Variants in SEC63 observed in about 807,000 individuals in gnomAD.
SEC63 encodes SEC63 protein translocation regulator.
Under a neutral mutation model 116.2 loss-of-function variants are expected in SEC63, and 56 were observed. The observed-to-expected ratio is 0.48, with a 90% CI of 0.39 to 0.60. The LOEUF (loss-of-function observed/expected upper bound fraction) is 0.60. SEC63 is among the 20% of genes least tolerant of loss of function. SEC63 has a pLI of 0.00. For synonymous variants in SEC63, 273 were observed against 294.6 expected (o/e 0.93, Z 0.75); for missense variants, 668 against 900.0 (o/e 0.74, Z 3.30).
At position 107,868,653 on chromosome 6, in the gene SEC63, CT is replaced by C. The variant is rs2114379211; in HGVS notation, c.*3050del. 6.6e-6 allele frequency: 1 copy of C among 151,718 alleles called. No homozygotes were observed. Among genetic ancestry groups the C allele is most frequent in the Non-Finnish European group, 1.5e-5 (1 of 67,900 alleles). 9.4% of individuals were successfully genotyped at this position (151,718 alleles called of 1,614,324 possible). A position where few individuals can be genotyped will look rare whatever the true frequency, so the allele number is the denominator to read the frequency against. ...GCTAGCCCCTAAAGAAATAATTCTT[CT>C]GCCTACAGTAGATAGACTAAAAAAA... is the stretch of plus-strand genomic sequence containing the variant. On this transcript the variant is annotated 3_prime_UTR_variant, in exon 21 of 21. Transcript: ENST00000369002.
chr6:107,931,003 G>T (rs1027677101), intron 1 of SEC63, among the ~76,000 whole-genome samples: 3 of 150,664 alleles, frequency 2.0e-5, no homozygotes, highest in Admixed American at 6.6e-5. Context: ...CAAACAAAAA[G>T]AACTTAAGTT....
At chr6:107,919,608 G>A (rs1562329156) in intron 4 of SEC63, among the ~76,000 whole-genome samples, 2 of 152,014 alleles carry the variant, frequency 1.3e-5, no homozygotes, top group Non-Finnish European at 2.9e-5. Context: ...GTATCACAAG[G>A]TCAGGAAATC....
At chr6:107,913,220 A>T in intron 5 of SEC63, 146 bp downstream of exon 5, 1 of 648,600 alleles carries the variant, frequency 1.5e-6, no homozygotes, top group South Asian at 2.0e-5. Context: ...AAAATAAAGC[A>T]AAAATTAATG....
chr6:107,906,856 T>C (rs1402902810), intron 8 of SEC63, 79 bp from the exon 9 acceptor site: 9 of 1,091,848 alleles, frequency 8.2e-6, no homozygotes, highest in Non-Finnish European at 1.3e-5. Context: ...TTAATTCACT[T>C]GAAAGTGAAG....
intron 8 of SEC63, 106 bp downstream of exon 8, chr6:107,908,821 A>C: frequency 1.5e-6 from 1 of 653,402 alleles, no homozygotes; most frequent in Non-Finnish European, 2.7e-6. Context: ...TATTTATAAA[A>C]CTGTACAATA....
At chr6:107,909,065 G>A in intron 7 of SEC63, 30 bp from the exon 8 acceptor site, 1 of 1,496,580 alleles carries the variant, frequency 6.7e-7, no homozygotes, top group Non-Finnish European at 9.3e-7. Flanking sequence ...AAACAAGAAA[G>A]AAAGTATAAA....
At chr6:107,875,447 G>A (rs1395339391) in intron 19 of SEC63, among the ~76,000 whole-genome samples, 2 of 151,984 alleles carry the variant, frequency 1.3e-5, no homozygotes, top group East Asian at 1.9e-4. Context: ...CTGTAATCCC[G>A]GCACTTTGGG....
chr6:107,899,218 C>T (rs1468364339), intron 13 of SEC63, among the ~76,000 whole-genome samples: 3 of 152,116 alleles, frequency 2.0e-5, no homozygotes, highest in Non-Finnish European at 4.4e-5. Flanking sequence ...ATGCCCCTTT[C>T]CTGCTTCTAT....
chr6:107,878,682 C>G (rs1239419156), intron 18 of SEC63, among the ~76,000 whole-genome samples: 1 of 152,064 alleles, frequency 6.6e-6, no homozygotes. Flanking sequence ...ATGGAGAAAC[C>G]CTGTCTCTAC....
intron 16 of SEC63, among the ~76,000 whole-genome samples, chr6:107,889,822 C>T (rs1423966904): frequency 3.9e-5 from 6 of 152,048 alleles, no homozygotes; most frequent in East Asian, 1.9e-4. Context: ...TTATTTCTGC[C>T]TTCATTTCGT....
At position 107,896,878 on chromosome 6, in the gene SEC63, C is replaced by T. The variant is rs144873410; in HGVS notation, c.1440+771G>A. Among the ~76,000 whole-genome samples, 809 of 151,866 alleles carry T rather than the reference C, an allele frequency of 5.3e-3. 10 individuals carry two copies. The highest frequency in any genetic ancestry group is 0.013 in the African/African-American group (531 of 41,404). ...CCTGTAATCCCAGCTACTCGGGAGG[C>T]TGAGGCAGGAGAATCACTTGAACCC... On this transcript the variant is annotated intron_variant, in intron 14 of 20. Coordinates refer to ENST00000369002, the MANE Select transcript of SEC63 (RefSeq NM_007214.5).
At chr6:107,875,197 T>C (rs556021453) in intron 19 of SEC63, among the ~76,000 whole-genome samples, 1 of 152,142 alleles carries the variant, frequency 6.6e-6, no homozygotes, top group East Asian at 1.9e-4. Flanking sequence ...ACATGTCAAG[T>C]AGTTAGGGGT....
chr6:107,873,346 ATATTT>A (rs968065302), intron 19 of SEC63, among the ~76,000 whole-genome samples: 2 of 152,220 alleles, frequency 1.3e-5, no homozygotes, highest in African/African-American at 4.8e-5. Context: ...GGTCAAGAAG[ATATTT>A]TATTTATCAT....
rs150022935 is a variant in SEC63, at chr6:107,921,921, C to CA, written c.340-13dup. ...GCTACTGTGGCTCCCTGGGGAAAAA[C>CA]AAAAAAAAAAAACAAGCTTTCTGTT... On this transcript the variant is annotated splice_polypyrimidine_tract_variant and intron_variant, in intron 3 of 20. Coordinates refer to ENST00000369002, the MANE Select transcript of SEC63 (RefSeq NM_007214.5). 3.1e-3 allele frequency: 278 copies of CA among 90,142 alleles called. No homozygotes were observed. The highest frequency in any genetic ancestry group is 0.023 in the East Asian group (65 of 2,822). The allele number at this position is 90,142 out of a possible 1,614,324, so 5.6% of individuals were successfully genotyped here. A position where few individuals can be genotyped will look rare whatever the true frequency, so the allele number is the denominator to read the frequency against.
intron 10 of SEC63, among the ~76,000 whole-genome samples, chr6:107,905,600 C>G (rs1787131853): frequency 1.3e-5 from 2 of 152,178 alleles, no homozygotes; most frequent in Admixed American, 6.5e-5. Context: ...AAGCAGAATA[C>G]ATGGCTTCAA....
At chr6:107,946,663 C>G (rs1012468368) in intron 1 of SEC63, among the ~76,000 whole-genome samples, 8 of 152,154 alleles carry the variant, frequency 5.3e-5, no homozygotes, top group African/African-American at 1.9e-4. Context: ...CAGGATAGAA[C>G]AAAGAAGGAA....
intron 12 of SEC63, among the ~76,000 whole-genome samples, chr6:107,902,136 TCTG>T (rs1449397774): frequency 3.3e-5 from 5 of 152,266 alleles, no homozygotes; most frequent in African/African-American, 1.2e-4. Context: ...ATGTAAAATC[TCTG>T]CTTTTAGATT....
chr6:107,902,988 A>G lies in SEC63; in HGVS notation c.1065T>C (p.Phe355=). The G allele has an allele frequency of 6.2e-7, 1 of 1,614,098 alleles. No homozygotes were observed. The highest frequency in any genetic ancestry group is 8.5e-7 in the Non-Finnish European group (1 of 1,179,990). ...CTAGGGATGCCAAAGTTGGAGCACG[A>G]AACTCCCTTTCTTAGAAAGAACAGG... ...VMARNREERE[F]RAPTLASLEN... is the part of the protein sequence containing the mutation. Residue 355 remains phenylalanine (F), a synonymous_variant, in exon 12 of 21, where the codon TTT becomes TTC. Coordinates refer to ENST00000369002, the MANE Select transcript of SEC63 (RefSeq NM_007214.5).
chr6:107,939,880 C>G (rs986024895), intron 1 of SEC63, among the ~76,000 whole-genome samples: 1 of 152,090 alleles, frequency 6.6e-6, no homozygotes, highest in African/African-American at 2.4e-5. Context: ...TTGGGAAATA[C>G]TGCTCTAGAC....
Sources: allele counts gnomAD v4.1 joint callset (sites outside exome capture counted in the v4.1 genomes callset), GRCh38; gene constraint gnomAD v4.1.1; transcripts MANE v1.5; gene names NCBI Gene and HGNC (gene_info 2026-07-23, HGNC 2026-07-21).